The following ADARB2 variants were observed in gnomAD, a reference collection of about 807,000 sequenced individuals.
The protein encoded by ADARB2 is inactive double-stranded RNA-specific editase B2.
In ADARB2, 25 loss-of-function variants were observed where a neutral mutation model predicts 62.2. That is an observed-to-expected ratio of 0.40 (90% CI 0.29 to 0.56). ADARB2 has a LOEUF of 0.56. Ranked by LOEUF, ADARB2 falls within the 20% of genes least tolerant of loss-of-function variation. The probability of loss-of-function intolerance (pLI) is 0.43; values close to 1 mark genes in which losing one functional copy is unlikely to be tolerated. For synonymous variants in ADARB2, 572 were observed against 500.8 expected, an observed-to-expected ratio of 1.14 and a Z score of -1.90; for missense variants, 1,071 against 1,077.4, an observed-to-expected ratio of 0.99 and a Z score of 0.08.
At chr10:1,325,178 T>C (rs1176573139) in intron 3 of ADARB2, among the ~76,000 whole-genome samples, 1 of 152,200 alleles carries the variant, frequency 6.6e-6, no homozygotes, top group Non-Finnish European at 1.5e-5. Context: ...CAGCCTGACA[T>C]GTCACAGATA....
At chr10:1,480,448 C>T (rs1464698258) in intron 1 of ADARB2, among the ~76,000 whole-genome samples, 1 of 152,214 alleles carries the variant, frequency 6.6e-6, no homozygotes, top group Non-Finnish European at 1.5e-5. Flanking sequence ...CCTGTAATCC[C>T]AGCACTTTGG....
intron 3 of ADARB2, among the ~76,000 whole-genome samples, chr10:1,339,828 C>T (rs1448982973): frequency 6.6e-6 from 1 of 152,192 alleles, no homozygotes; most frequent in African/African-American, 2.4e-5. Context: ...GAATGCATTC[C>T]CAACAATATG....
At chr10:1,287,584 A>G (rs1237279910) in intron 3 of ADARB2, among the ~76,000 whole-genome samples, 1 of 152,196 alleles carries the variant, frequency 6.6e-6, no homozygotes, top group African/African-American at 2.4e-5. Context: ...GCAGCCATGC[A>G]CATAGATGCT....
intron 3 of ADARB2, among the ~76,000 whole-genome samples, chr10:1,345,754 A>G (rs1042268511): frequency 6.6e-6 from 1 of 152,210 alleles, no homozygotes; most frequent in Non-Finnish European, 1.5e-5. Flanking sequence ...CTTTCAGTCT[A>G]TTCTTAGCAT....
At chr10:1,522,686 C>G (rs977429759) in intron 1 of ADARB2, among the ~76,000 whole-genome samples, 2 of 152,212 alleles carry the variant, frequency 1.3e-5, no homozygotes, top group Non-Finnish European at 2.9e-5. Flanking sequence ...GCAATCATTC[C>G]TCTCCTTCTT....
At chr10:1,606,515 A>C (rs768631524) in intron 1 of ADARB2, among the ~76,000 whole-genome samples, 5 of 152,210 alleles carry the variant, frequency 3.3e-5, no homozygotes, top group Non-Finnish European at 7.3e-5. Flanking sequence ...CAAAACATGC[A>C]ATGAGATGAA....
chr10:1,458,000 C>CCTT (rs71379126), intron 1 of ADARB2, among the ~76,000 whole-genome samples: 101,431 of 151,778 alleles, frequency 0.67, 34,648 homozygotes, highest in Non-Finnish European at 0.75. Context: ...TACCCTCCCT[C>CCTT]CTTTCTCTCC....
chr10:1,524,117 A>G (rs1436488193), intron 1 of ADARB2, among the ~76,000 whole-genome samples: 3 of 152,200 alleles, frequency 2.0e-5, no homozygotes, highest in Non-Finnish European at 4.4e-5. Context: ...AGAGAGAGAG[A>G]ATAGATGATA....
chr10:1,325,254 G>A (rs1831834265), intron 3 of ADARB2, among the ~76,000 whole-genome samples: 1 of 152,154 alleles, frequency 6.6e-6, no homozygotes, highest in Admixed American at 6.5e-5. Flanking sequence ...AGAACATCCC[G>A]AACGCTGGGG....
chr10:1,660,206 G>T, intron 1 of ADARB2, among the ~76,000 whole-genome samples: 1 of 152,322 alleles, frequency 6.6e-6, no homozygotes, highest in Middle Eastern at 3.4e-3. Context: ...CCCTGTGACC[G>T]AGCCTGTGCT....
intron 1 of ADARB2, among the ~76,000 whole-genome samples, chr10:1,396,336 G>A (rs1250994806): frequency 6.6e-6 from 1 of 152,116 alleles, no homozygotes; most frequent in Non-Finnish European, 1.5e-5. Flanking sequence ...ACGGGTGGGC[G>A]CCCACGCCTC....
chr10:1,672,730 G>A (rs1417876729), intron 1 of ADARB2, among the ~76,000 whole-genome samples: 1 of 150,896 alleles, frequency 6.6e-6, no homozygotes, highest in Non-Finnish European at 1.5e-5. Flanking sequence ...TCCACGCACC[G>A]CAAGGCTCCT....
At chr10:1,517,703 C>T (rs2131949272) in intron 1 of ADARB2, among the ~76,000 whole-genome samples, 1 of 152,202 alleles carries the variant, frequency 6.6e-6, no homozygotes, top group Non-Finnish European at 1.5e-5. Context: ...TGGGGTGGAC[C>T]CAGCGACTGT....
At chr10:1,266,029 G>T (rs35097317) in intron 4 of ADARB2, among the ~76,000 whole-genome samples, 22,152 of 94,358 alleles carry the variant, frequency 0.23, 3,833 homozygotes, top group South Asian at 0.38. Context: ...GGGGGGCCCA[G>T]GGTCCCCCGG....
intron 1 of ADARB2, among the ~76,000 whole-genome samples, chr10:1,476,029 T>C (rs1347577001): frequency 2.6e-5 from 4 of 152,248 alleles, no homozygotes; most frequent in Non-Finnish European, 5.9e-5. Flanking sequence ...GAAAACTCTT[T>C]GCATTTTTAA....
chr10:1,652,520 T>A (rs1405468633), intron 1 of ADARB2, among the ~76,000 whole-genome samples: 1 of 152,130 alleles, frequency 6.6e-6, no homozygotes, highest in East Asian at 1.9e-4. Flanking sequence ...AAGAGAAACT[T>A]CCTCGGGGGG....
At chr10:1,563,676 A>T (rs532074354) in intron 1 of ADARB2, among the ~76,000 whole-genome samples, 86 of 151,682 alleles carry the variant, frequency 5.7e-4, no homozygotes, top group Middle Eastern at 6.8e-3. Context: ...CATGTGCACA[A>T]TGTGCAGGTC....
chr10:1,733,636 C>CA lies in ADARB2; in HGVS notation c.100+3414dup, dbSNP rs544150246. Reference sequence around the variant, plus strand: ...ATCTACCTGGTTGAACGGATATTAACAAAAAAAACCCTTTTTCTTTATTAT... The same window carrying CA: ...ATCTACCTGGTTGAACGGATATTAACAAAAAAAAACCCTTTTTCTTTATTAT... On this transcript the variant is annotated intron_variant, in intron 1 of 9. Transcript: ENST00000381312. Among the ~76,000 whole-genome samples the CA allele has an allele frequency of 1.6e-3, 238 of 151,254 alleles. 5 individuals are homozygous for CA. The East Asian group carries it at 0.032, about 20-fold the overall frequency.
intron 1 of ADARB2, among the ~76,000 whole-genome samples, chr10:1,507,155 C>G (rs370898780): frequency 1.3e-5 from 2 of 152,190 alleles, no homozygotes; most frequent in African/African-American, 2.4e-5. Context: ...CAGTGGCTGT[C>G]GAGTGACTTC....
Sources: allele counts gnomAD v4.1 joint callset (sites outside exome capture counted in the v4.1 genomes callset), GRCh38; gene constraint gnomAD v4.1.1; transcripts MANE v1.5; gene names NCBI Gene and HGNC (gene_info 2026-07-23, HGNC 2026-07-21).